Variants in MAML2 observed in about 807,000 individuals in gnomAD.
MAML2 encodes the protein mastermind like transcriptional coactivator 2.
Under a neutral mutation model 96.1 loss-of-function variants are expected in MAML2, and 22 were observed. That is an observed-to-expected ratio of 0.23 (90% CI 0.16 to 0.33). MAML2 has a LOEUF of 0.33. Among genes scored for constraint, MAML2 ranks in the 10% least tolerant of loss-of-function variants. The pLI is 1.00. For missense variants in MAML2, 1,367 were observed against 1,392.4 expected (o/e 0.98, Z 0.29); for synonymous variants, 561 against 521.3 (o/e 1.08, Z -1.04).
At chr11:96,174,053 C>T (rs927305191) in intron 1 of MAML2, among the ~76,000 whole-genome samples, 1 of 152,172 alleles carries the variant, frequency 6.6e-6, no homozygotes, top group Admixed American at 6.5e-5. Context: ...ACAGAATCGT[C>T]AAGGCAGAGG....
chr11:96,226,135 C>T lies in MAML2; in HGVS notation c.513+115248G>A, dbSNP rs372204170. ...AAAGGCTCAATATCCTAGTGTTCCC[C>T]ACCACAGATAGCATGGGGATTGAAT... is the stretch of plus-strand genomic sequence containing the variant. On this transcript the variant is annotated intron_variant, in intron 1 of 4. Coordinates refer to ENST00000524717, the MANE Select transcript of MAML2 (RefSeq NM_032427.4). Among the ~76,000 whole-genome samples the T allele has an allele frequency of 6.2e-4, 94 of 152,322 alleles. 3 individuals carry two copies. The South Asian group carries it at 0.018, about 30-fold the overall frequency.
intron 2 of MAML2, among the ~76,000 whole-genome samples, chr11:96,008,348 T>C (rs1858218347): frequency 6.6e-6 from 1 of 152,192 alleles, no homozygotes; most frequent in Non-Finnish European, 1.5e-5. Flanking sequence ...TCACTGCTGA[T>C]CAGGAGAGAA....
intron 2 of MAML2, among the ~76,000 whole-genome samples, chr11:95,998,286 A>G (rs1011006797): frequency 9.9e-5 from 15 of 152,210 alleles, no homozygotes; most frequent in African/African-American, 3.6e-4. Flanking sequence ...CTAGCAAATG[A>G]TCATTCAACC....
At chr11:96,031,013 G>A (rs1858605505) in intron 2 of MAML2, among the ~76,000 whole-genome samples, 1 of 152,194 alleles carries the variant, frequency 6.6e-6, no homozygotes, top group South Asian at 2.1e-4. Flanking sequence ...AGTACACAGA[G>A]ATTAAGAGTT....
In MAML2 at chr11:95,979,758, C is replaced by A; in HGVS notation, c.2661G>T (p.Met887Ile). 1 of 1,613,976 alleles carries A rather than the reference C, an allele frequency of 6.2e-7. No individual in the cohort carries two copies. The highest frequency in any genetic ancestry group is 8.5e-7 in the Non-Finnish European group (1 of 1,179,888). ...GGTTTCTCTGTTGGGTCAATTGATTCATTCCTGAAGTGACACTGTATGTGT... is the reference window on the plus strand; with the variant it reads ...GGTTTCTCTGTTGGGTCAATTGATTAATTCCTGAAGTGACACTGTATGTGT... ...QPNTYSVTSG[M>I]NQLTQQRNPK... The change falls in exon 5 of 5, where the codon ATG (methionine) becomes ATT (isoleucine). Residue 887 changes from methionine to isoleucine, a missense_variant. Coordinates refer to ENST00000524717, the MANE Select transcript of MAML2 (RefSeq NM_032427.4).
At chr11:95,993,953 G>A (rs1043273604) in intron 2 of MAML2, among the ~76,000 whole-genome samples, 9 of 152,180 alleles carry the variant, frequency 5.9e-5, no homozygotes, top group African/African-American at 1.9e-4. Context: ...CTTTGCAGAT[G>A]AGAAACCTGA....
At chr11:96,190,164 T>C (rs1041083062) in intron 1 of MAML2, among the ~76,000 whole-genome samples, 1 of 152,132 alleles carries the variant, frequency 6.6e-6, no homozygotes, top group African/African-American at 2.4e-5. Context: ...AATGTGGACA[T>C]TTGATGTGAG....
At chr11:95,998,174 G>GTCTGTCTGACTATCTA (rs139615820) in intron 2 of MAML2, among the ~76,000 whole-genome samples, 1 of 147,716 alleles carries the variant, frequency 6.8e-6, no homozygotes, top group Non-Finnish European at 1.5e-5. Flanking sequence ...CTGTCTGTCT[G>GTCTGTCTGACTATCTA]TCTATCTATC....
At chr11:96,146,172 A>C (rs1860815667) in intron 1 of MAML2, among the ~76,000 whole-genome samples, 1 of 152,218 alleles carries the variant, frequency 6.6e-6, no homozygotes, top group Non-Finnish European at 1.5e-5. Context: ...GGTATCTTAC[A>C]TAAGAGCACC....
intron 1 of MAML2, among the ~76,000 whole-genome samples, chr11:96,206,350 C>A (rs1356905942): frequency 6.6e-6 from 1 of 152,148 alleles, no homozygotes; most frequent in Admixed American, 6.5e-5. Flanking sequence ...GTAATCCCAG[C>A]ACTTTGGGAG....
intron 1 of MAML2, among the ~76,000 whole-genome samples, chr11:96,315,569 T>C (rs1802129231): frequency 6.6e-6 from 1 of 152,164 alleles, no homozygotes; most frequent in South Asian, 2.1e-4. Flanking sequence ...TTCATAGAGC[T>C]TTTTACATTT....
chr11:96,104,317 A>C (rs1859985796), intron 1 of MAML2, among the ~76,000 whole-genome samples: 1 of 152,246 alleles, frequency 6.6e-6, no homozygotes. Flanking sequence ...TGTAGAAGAA[A>C]ACACGTCGAG....
chr11:96,149,479 C>A (rs984332932), intron 1 of MAML2, among the ~76,000 whole-genome samples: 1 of 149,986 alleles, frequency 6.7e-6, no homozygotes, highest in Non-Finnish European at 1.5e-5. Context: ...TGCCTGTAAT[C>A]CCAGCACTTT....
intron 2 of MAML2, among the ~76,000 whole-genome samples, chr11:96,000,307 G>A (rs1858060819): frequency 6.6e-6 from 1 of 152,160 alleles, no homozygotes; most frequent in South Asian, 2.1e-4. Flanking sequence ...TGGCATGACG[G>A]CCTAATCCAG....
intron 2 of MAML2, among the ~76,000 whole-genome samples, chr11:96,006,079 G>T (rs1019278189): frequency 3.3e-5 from 5 of 152,032 alleles, no homozygotes; most frequent in African/African-American, 1.2e-4. Flanking sequence ...CTATTATAAT[G>T]GACAGAAAGG....
chr11:95,989,511 A>G (rs1435093260), intron 3 of MAML2, among the ~76,000 whole-genome samples: 1 of 152,138 alleles, frequency 6.6e-6, no homozygotes, highest in East Asian at 1.9e-4. Flanking sequence ...CTGAAAATCA[A>G]CCTCTGTGTG....
At chr11:95,998,418 T>C (rs767052823) in intron 2 of MAML2, among the ~76,000 whole-genome samples, 1 of 152,178 alleles carries the variant, frequency 6.6e-6, no homozygotes, top group Non-Finnish European at 1.5e-5. Context: ...GTTTCATTCA[T>C]TCACTTATTT....
At chr11:96,091,214 T>C (rs1005924127) in intron 2 of MAML2, among the ~76,000 whole-genome samples, 52 of 152,192 alleles carry the variant, frequency 3.4e-4, no homozygotes, top group African/African-American at 1.2e-3. Context: ...AACTCAGACT[T>C]TGGTTTTCCA....
Position 96,240,557 on chromosome 11 carries a change from C to CAAACA in MAML2, c.513+100825_513+100826insTGTTT, listed in dbSNP as rs1555028642. On this transcript the variant is annotated intron_variant, in intron 1 of 4. Transcript: ENST00000524717. ...TGGGCGACAGAGCGAGACTCCGTCT[C>CAAACA]AAAAAAAAAAAAAAAAAAAAAAAAA... Among the ~76,000 whole-genome samples the CAAACA allele has an allele frequency of 5.9e-5, 3 of 51,090 alleles. 1 individual carries two copies. Among genetic ancestry groups the CAAACA allele is most frequent in the Non-Finnish European group, 1.1e-4 (3 of 26,120 alleles). 33.5% of individuals were successfully genotyped at this position (51,090 alleles called of 152,430 possible).
Sources: gnomAD v4.1 joint callset for allele counts (sites outside exome capture counted in the v4.1 genomes callset) on GRCh38, gnomAD v4.1.1 for gene constraint, MANE v1.5 for transcripts, NCBI Gene and HGNC (gene_info 2026-07-23, HGNC 2026-07-21) for gene names.